Variants in PIK3C2B observed in about 807,000 individuals in gnomAD.
The protein encoded by PIK3C2B is phosphatidylinositol 4-phosphate 3-kinase C2 domain-containing subunit beta.
In PIK3C2B, 83 loss-of-function variants were observed where a neutral mutation model predicts 184.3. The ratio of observed to expected loss-of-function variants is 0.45; its 90% confidence interval spans 0.38 to 0.54. PIK3C2B has a LOEUF of 0.54. PIK3C2B is among the 20% of genes least tolerant of loss of function. The pLI is 0.00. For synonymous variants in PIK3C2B, 779 were observed against 837.6 expected, an observed-to-expected ratio of 0.93 and a Z score of 1.21; for missense variants, 1,736 against 2,113.5, an observed-to-expected ratio of 0.82 and a Z score of 3.50.
intron 21 of PIK3C2B, among the ~76,000 whole-genome samples, chr1:204,440,926 T>C (rs1341497162): frequency 6.6e-6 from 1 of 152,216 alleles, no homozygotes; most frequent in Non-Finnish European, 1.5e-5. Context: ...CAGGCCTTTT[T>C]TAAACTTGAA....
chr1:204,486,196 G>A (rs1657571989), intron 1 of PIK3C2B, among the ~76,000 whole-genome samples: 1 of 151,990 alleles, frequency 6.6e-6, no homozygotes, highest in Non-Finnish European at 1.5e-5. Flanking sequence ...GGGAATTCCA[G>A]ATCAGCCTGG....
intron 1 of PIK3C2B, among the ~76,000 whole-genome samples, chr1:204,491,964 C>A (rs1374290009): frequency 6.6e-6 from 1 of 152,184 alleles, no homozygotes. Context: ...AGTTCCCATC[C>A]TGCCAACACT....
intron 1 of PIK3C2B, among the ~76,000 whole-genome samples, chr1:204,485,442 CT>C (rs35634264): frequency 0.16 from 24,585 of 152,002 alleles, 2,396 homozygotes; most frequent in East Asian, 0.38. Flanking sequence ...ATTATTATTC[CT>C]TTTTCTCACC....
intron 1 of PIK3C2B, among the ~76,000 whole-genome samples, chr1:204,481,086 ACAC>A (rs946513385): frequency 1.3e-5 from 2 of 148,668 alleles, no homozygotes; most frequent in African/African-American, 5.0e-5. Context: ...CACCCCACAC[ACAC>A]ATCTATGTCT....
Position 204,446,152 on chromosome 1 carries a change from G to A in PIK3C2B, c.2490-8C>T, listed in dbSNP as rs1325103821. The A allele has an allele frequency of 5.9e-6, 9 of 1,538,212 alleles. No homozygotes were observed. The highest frequency in any genetic ancestry group is 7.9e-6 in the Non-Finnish European group (9 of 1,135,752). On this transcript the variant is annotated splice_region_variant and splice_polypyrimidine_tract_variant and intron_variant, in intron 15 of 32. Transcript: ENST00000684373. ...TTGTCAGCATCAGTGAGCCTGGTGG[G>A]CACACGGAAAGGAGAAGGTGGTGGG... is the stretch of plus-strand genomic sequence containing the variant.
intron 1 of PIK3C2B, among the ~76,000 whole-genome samples, chr1:204,483,661 T>C (rs1558285516): frequency 6.6e-6 from 1 of 152,172 alleles, no homozygotes; most frequent in South Asian, 2.1e-4. Context: ...GAGCAAAGAA[T>C]CATGTCAATT....
intron 24 of PIK3C2B, 74 bp downstream of exon 24, chr1:204,434,365 G>A: frequency 3.0e-6 from 4 of 1,343,494 alleles, no homozygotes; most frequent in Non-Finnish European, 4.2e-6. Context: ...TCATGGGCTT[G>A]TGTCCCAGCT....
intron 1 of PIK3C2B, among the ~76,000 whole-genome samples, chr1:204,493,216 C>T (rs1658124491): frequency 6.6e-6 from 1 of 152,144 alleles, no homozygotes; most frequent in South Asian, 2.1e-4. Flanking sequence ...GTACAAATTG[C>T]TTACATCTGC....
At position 204,459,892 on chromosome 1, in the gene PIK3C2B, A is replaced by G. The variant is rs1333056418; in HGVS notation, c.1552T>C (p.Phe518Leu). The G allele has an allele frequency of 6.2e-7, 1 of 1,613,810 alleles. No homozygotes were observed. Among genetic ancestry groups the G allele is most frequent in the Non-Finnish European group, 8.5e-7 (1 of 1,179,956 alleles). The part of the protein sequence containing the change: ...FDTYHNEVDA[F>L]LLADGDFPLK... ...TTCGTACTCACATCAGCCAGCAGGA[A>G]GGCATCCACCTCATTGTGGTAAGTG... The change falls in exon 8 of 33, where the codon TTC becomes CTC. Residue 518 changes from phenylalanine (F) to leucine (L), a missense_variant. Coordinates refer to ENST00000684373, the MANE Select transcript of PIK3C2B (RefSeq NM_001377334.1).
At chr1:204,452,651 C>CTTTTTTT (rs371699160) in intron 12 of PIK3C2B, among the ~76,000 whole-genome samples, 5 of 92,372 alleles carry the variant, frequency 5.4e-5, no homozygotes, top group Non-Finnish European at 7.8e-5. Context: ...ACCCCATGTC[C>CTTTTTTT]TTTTTTTTTT....
intron 31 of PIK3C2B, among the ~76,000 whole-genome samples, chr1:204,427,029 A>G (rs1320501593): frequency 6.6e-6 from 1 of 152,050 alleles, no homozygotes; most frequent in South Asian, 2.1e-4. Flanking sequence ...AGTCCCAGCT[A>G]CTCAGGCTGA....
rs1412295513 is a variant in PIK3C2B, at chr1:204,469,251, G to C, written c.552C>G (p.Ser184=). Residue 184 remains serine, a synonymous_variant, in exon 2 of 33, where the codon TCC becomes TCG. Coordinates refer to ENST00000684373, the MANE Select transcript of PIK3C2B (RefSeq NM_001377334.1). The part of the protein sequence containing the change: ...RKGSPSSSKI[S]QPSDINTFSL... The stretch of plus-strand genomic sequence containing the variant: ...AGAAAGTGTTGATGTCACTGGGCTG[G>C]GAGATCTTGGAGGATGAGGGGGACC... 6.3e-7 allele frequency: 1 copy of C among 1,574,882 alleles called. No individual in the cohort carries two copies.
chr1:204,468,667 G>C (rs1421315532), intron 2 of PIK3C2B, among the ~76,000 whole-genome samples: 1 of 152,204 alleles, frequency 6.6e-6, no homozygotes, highest in African/African-American at 2.4e-5. Context: ...CTGGCCCTGA[G>C]AAGGAGCCCT....
At chr1:204,472,463 C>T (rs1328845392) in intron 1 of PIK3C2B, among the ~76,000 whole-genome samples, 1 of 151,524 alleles carries the variant, frequency 6.6e-6, no homozygotes, top group African/African-American at 2.4e-5. Context: ...GCACCCGGCC[C>T]GACTGGGGGA....
chr1:204,457,301 A>C (rs1382641261), intron 9 of PIK3C2B, among the ~76,000 whole-genome samples: 1 of 152,058 alleles, frequency 6.6e-6, no homozygotes, highest in East Asian at 1.9e-4. Context: ...AGATATCCCA[A>C]CCCTCAGGCT....
chr1:204,433,610 A>G lies in PIK3C2B; in HGVS notation c.3843+183T>C, dbSNP rs61757996. ...GAAGGGCTGGAGCAGGGAGTCAGGC[A>G]CCTACACAGACATCATTGTCCTCAG... On this transcript the variant is annotated intron_variant, in intron 25 of 32. Coordinates refer to ENST00000684373, the MANE Select transcript of PIK3C2B (RefSeq NM_001377334.1). The surrounding 1 kb of genome is among the most constrained non-coding windows in gnomAD (Gnocchi z 5.0). 1.5e-3 allele frequency among the ~76,000 whole-genome samples: 227 copies of G among 152,248 alleles called. 1 individual carries two copies. Among genetic ancestry groups the G allele is most frequent in the African/African-American group, 5.2e-3 (217 of 41,530 alleles).
chr1:204,454,530 G>C (rs893594116), intron 12 of PIK3C2B, 139 bp downstream of exon 12: 4 of 673,260 alleles, frequency 5.9e-6, no homozygotes, highest in Non-Finnish European at 4.8e-6. Flanking sequence ...TCAAGAGGTT[G>C]AATGACTTGT....
chr1:204,432,825 A>G (rs1336825089), intron 26 of PIK3C2B, among the ~76,000 whole-genome samples: 2 of 152,186 alleles, frequency 1.3e-5, no homozygotes. Context: ...TGAATTCCAA[A>G]AAGAGTGGAG....
At chr1:204,473,989 C>CTTTTTTTTTTT (rs71145092) in intron 1 of PIK3C2B, among the ~76,000 whole-genome samples, 1 of 115,134 alleles carries the variant, frequency 8.7e-6, no homozygotes, top group Non-Finnish European at 1.7e-5. Flanking sequence ...CTCCCCTTGA[C>CTTTTTTTTTTT]TTTTTTTTTT....
Sources: allele counts gnomAD v4.1 joint callset (sites outside exome capture counted in the v4.1 genomes callset), GRCh38; gene constraint gnomAD v4.1.1; non-coding constraint Gnocchi (gnomAD v3.1); transcripts MANE v1.5; gene names NCBI Gene and HGNC (gene_info 2026-07-23, HGNC 2026-07-21).